The following L3MBTL4 variants were observed in gnomAD, a reference collection of about 807,000 sequenced individuals.
L3MBTL4 encodes L3MBTL histone methyl-lysine binding protein 4.
A neutral mutation model predicts 84.5 loss-of-function variants in L3MBTL4; 70 were observed. The observed-to-expected ratio is 0.83, with a 90% CI of 0.68 to 1.01. The LOEUF (loss-of-function observed/expected upper bound fraction) is 1.01. L3MBTL4 is among the 50% of genes least tolerant of loss of function. The probability of loss-of-function intolerance (pLI) is 0.00; values close to 1 mark genes in which losing one functional copy is unlikely to be tolerated. For missense variants in L3MBTL4, 715 were observed against 754.8 expected (o/e 0.95, Z 0.62); for synonymous variants, 274 against 259.8 (o/e 1.05, Z -0.52).
intron 4 of L3MBTL4, among the ~76,000 whole-genome samples, chr18:6,301,113 A>ATTTT (rs1191208645): frequency 6.6e-6 from 1 of 152,244 alleles, no homozygotes; most frequent in East Asian, 1.9e-4. Flanking sequence ...GACTTTAAAA[A>ATTTT]TCTCAATTCT....
intron 12 of L3MBTL4, among the ~76,000 whole-genome samples, chr18:6,186,212 T>G (rs897670759): frequency 6.6e-6 from 1 of 151,424 alleles, no homozygotes; most frequent in Non-Finnish European, 1.5e-5. Context: ...TTTAGTAGAT[T>G]TTTGTATTTA....
chr18:6,066,881 C>A (rs1036799880), intron 16 of L3MBTL4, among the ~76,000 whole-genome samples: 8 of 148,710 alleles, frequency 5.4e-5, no homozygotes, highest in Non-Finnish European at 1.0e-4. Context: ...ATGTGAGGTA[C>A]TGTTCTAGTG....
chr18:6,366,661 T>C (rs1485736923), intron 1 of L3MBTL4, among the ~76,000 whole-genome samples: 1 of 152,216 alleles, frequency 6.6e-6, no homozygotes, highest in Non-Finnish European at 1.5e-5. Flanking sequence ...AGGTGTCTAA[T>C]TTCACACATT....
At chr18:6,323,269 G>C (rs1393616478) in intron 1 of L3MBTL4, among the ~76,000 whole-genome samples, 3 of 152,176 alleles carry the variant, frequency 2.0e-5, no homozygotes, top group Admixed American at 6.5e-5. Context: ...CCAAGGAGTG[G>C]AGCATTGCTA....
At chr18:6,376,422 C>T (rs1290362958) in intron 1 of L3MBTL4, among the ~76,000 whole-genome samples, 2 of 152,216 alleles carry the variant, frequency 1.3e-5, no homozygotes. Flanking sequence ...TGTTGTCTGT[C>T]TATCCTATCT....
At chr18:6,069,454 A>T (rs1291684299) in intron 16 of L3MBTL4, among the ~76,000 whole-genome samples, 2 of 151,768 alleles carry the variant, frequency 1.3e-5, no homozygotes, top group African/African-American at 4.8e-5. Flanking sequence ...TCCTCAGGTG[A>T]CAGGCAGGGC....
intron 4 of L3MBTL4, among the ~76,000 whole-genome samples, chr18:6,271,599 T>G (rs1206946407): frequency 1.3e-5 from 2 of 152,130 alleles, no homozygotes; most frequent in Non-Finnish European, 1.5e-5. Flanking sequence ...CTACGATAAG[T>G]GTACGTAATA....
intron 13 of L3MBTL4, among the ~76,000 whole-genome samples, chr18:6,152,207 T>G (rs1321923458): frequency 6.6e-6 from 1 of 152,208 alleles, no homozygotes; most frequent in African/African-American, 2.4e-5. Context: ...TACAGGTATC[T>G]CTTAGAGATA....
intron 14 of L3MBTL4, among the ~76,000 whole-genome samples, chr18:6,099,080 G>A (rs2058729157): frequency 6.6e-6 from 1 of 152,196 alleles, no homozygotes; most frequent in Non-Finnish European, 1.5e-5. Flanking sequence ...GCAGCAGGCA[G>A]CTCTTTCGGA....
At chr18:5,974,767 C>T (rs1011688830) in intron 16 of L3MBTL4, among the ~76,000 whole-genome samples, 1 of 152,112 alleles carries the variant, frequency 6.6e-6, no homozygotes, top group African/African-American at 2.4e-5. Context: ...GAGTTCAAGA[C>T]CAGACTTGAC....
At chr18:6,073,431 A>C (rs2057753935) in intron 16 of L3MBTL4, among the ~76,000 whole-genome samples, 1 of 152,208 alleles carries the variant, frequency 6.6e-6, no homozygotes, top group Non-Finnish European at 1.5e-5. Flanking sequence ...AATTCTTTCA[A>C]TAAAAAAAAC....
chr18:6,252,221 G>A (rs1054208620), intron 5 of L3MBTL4, among the ~76,000 whole-genome samples: 3 of 152,138 alleles, frequency 2.0e-5, no homozygotes, highest in Non-Finnish European at 4.4e-5. Context: ...GCTGAGGCAG[G>A]AGAATTGCTT....
At chr18:5,975,476 C>A (rs2052870790) in intron 16 of L3MBTL4, among the ~76,000 whole-genome samples, 2 of 152,212 alleles carry the variant, frequency 1.3e-5, no homozygotes, top group South Asian at 4.1e-4. Flanking sequence ...CCACCCAGGA[C>A]CTGTGCTTCC....
intron 1 of L3MBTL4, among the ~76,000 whole-genome samples, chr18:6,413,800 C>T (rs1470089501): frequency 6.6e-6 from 1 of 152,224 alleles, no homozygotes. Context: ...TTAAGTACAG[C>T]AGTCTCAACA....
Position 6,258,054 on chromosome 18 carries a change from C to A in L3MBTL4, c.219+5893G>T, listed in dbSNP as rs560851103. ...GCAGGAATGGAAAGGATGCAGAGCA[C>A]AGGTGCAGGAGGCTGGAGAGAAGGG... On this transcript the variant is annotated intron_variant, in intron 5 of 18. Transcript: ENST00000317931. 4.6e-5 allele frequency among the ~76,000 whole-genome samples: 7 copies of A among 152,302 alleles called. No homozygotes were observed. The East Asian group carries it at 1.3e-3, about 29-fold the overall frequency.
chr18:5,998,115 G>T (rs547857252), intron 16 of L3MBTL4, among the ~76,000 whole-genome samples: 1 of 152,292 alleles, frequency 6.6e-6, no homozygotes, highest in Admixed American at 6.5e-5. Flanking sequence ...GGGACACCCT[G>T]GCTCCAAATC....
At chr18:6,028,675 A>G (rs2055630954) in intron 16 of L3MBTL4, among the ~76,000 whole-genome samples, 1 of 152,182 alleles carries the variant, frequency 6.6e-6, no homozygotes, top group South Asian at 2.1e-4. Context: ...TAAGCATGGA[A>G]TGTTTTTCCA....
chr18:6,101,124 C>T (rs964193133), intron 14 of L3MBTL4, among the ~76,000 whole-genome samples: 3 of 152,156 alleles, frequency 2.0e-5, no homozygotes, highest in Non-Finnish European at 4.4e-5. Context: ...TACACTGCCC[C>T]TTTGCTGGTC....
chr18:5,987,110 C>T (rs948851999), intron 16 of L3MBTL4, among the ~76,000 whole-genome samples: 2 of 152,190 alleles, frequency 1.3e-5, no homozygotes, highest in African/African-American at 4.8e-5. Flanking sequence ...GGCGACCAAG[C>T]CTACAGCGAC....
Sources: gnomAD v4.1 joint callset for allele counts (sites outside exome capture counted in the v4.1 genomes callset) on GRCh38, gnomAD v4.1.1 for gene constraint, MANE v1.5 for transcripts, NCBI Gene and HGNC (gene_info 2026-07-23, HGNC 2026-07-21) for gene names.